The following MTIF2 variants were observed in gnomAD, a reference collection of about 807,000 sequenced individuals.
The protein encoded by MTIF2 is mitochondrial translational initiation factor 2.
In MTIF2, 71 loss-of-function variants were observed where a neutral mutation model predicts 83.5. The observed-to-expected ratio is 0.85, with a 90% CI of 0.70 to 1.04. MTIF2 has a LOEUF of 1.04. Among genes scored for constraint, MTIF2 ranks in the 50% least tolerant of loss-of-function variants. The pLI is 0.00. For synonymous variants in MTIF2, 319 were observed against 287.1 expected, an observed-to-expected ratio of 1.11 and a Z score of -1.12; for missense variants, 957 against 846.5, an observed-to-expected ratio of 1.13 and a Z score of -1.62.
chr2:55,239,280 AG>A (rs146761343), intron 14 of MTIF2, among the ~76,000 whole-genome samples: 10,945 of 152,240 alleles, frequency 0.072, 1,245 homozygotes, highest in African/African-American at 0.24. Flanking sequence ...CCTTTTGCTT[AG>A]CAGATGTACA....
intron 3 of MTIF2, among the ~76,000 whole-genome samples, chr2:55,264,318 A>C (rs1678265323): frequency 6.6e-6 from 1 of 152,070 alleles, no homozygotes; most frequent in African/African-American, 2.4e-5. Context: ...TGCAGCCTCG[A>C]CCTCCCAGGC....
intron 7 of MTIF2, among the ~76,000 whole-genome samples, chr2:55,253,837 A>G (rs1677302650): frequency 6.7e-6 from 1 of 149,770 alleles, no homozygotes; most frequent in Non-Finnish European, 1.5e-5. Flanking sequence ...AAAAAAAAAA[A>G]AGTTAACAGT....
chr2:55,238,198 TTTTTTA>T (rs1165931635), intron 14 of MTIF2, among the ~76,000 whole-genome samples: 2 of 151,638 alleles, frequency 1.3e-5, no homozygotes, highest in Non-Finnish European at 2.9e-5. Flanking sequence ...GCCCACTAAT[TTTTTTA>T]TTTTTATCTT....
At position 55,263,006 on chromosome 2, in the gene MTIF2, C is replaced by T. The variant is rs751838061; in HGVS notation, c.220-579G>A. On this transcript the variant is annotated intron_variant, in intron 4 of 15. Coordinates refer to ENST00000263629, the MANE Select transcript of MTIF2 (RefSeq NM_002453.3). The stretch of plus-strand genomic sequence containing the variant: ...CCTCCCAAAGAGCCGTGATTACAGG[C>T]GTGAGCCACCACACCTGGCCTAATT... 4.7e-4 allele frequency among the ~76,000 whole-genome samples: 72 copies of T among 152,330 alleles called. 1 individual carries two copies. The highest frequency in any genetic ancestry group is 4.7e-4 in the Non-Finnish European group (32 of 68,032).
chr2:55,262,416 T>C lies in MTIF2; in HGVS notation c.231A>G (p.Pro77=), dbSNP rs1397396501. Residue 77 remains proline (P), a synonymous_variant, in exon 5 of 16, where the codon CCA becomes CCG. Transcript: ENST00000263629. ...RLLVTKKEEG[P]WKSQLSSTKS... is the part of the protein sequence containing the mutation. Reference sequence around the variant, plus strand: ...TTGTTGAAGATAACTGAGATTTCCATGGTCCTTCTTCCTATTAAAAAAATC... The same window carrying C: ...TTGTTGAAGATAACTGAGATTTCCACGGTCCTTCTTCCTATTAAAAAAATC... 1.2e-6 allele frequency: 2 copies of C among 1,609,732 alleles called. No individual in the cohort carries two copies. The highest frequency in any genetic ancestry group is 2.7e-5 in the African/African-American group (2 of 74,794).
Position 55,263,706 on chromosome 2 carries a change from C to A in MTIF2, c.153G>T (p.Trp51Cys), listed in dbSNP as rs1678217047. 1 of 1,614,112 alleles carries A rather than the reference C, an allele frequency of 6.2e-7. No homozygotes were observed. Among genetic ancestry groups the A allele is most frequent in the East Asian group, 2.2e-5 (1 of 44,870 alleles). ...YPVWTAQLCA[W>C]PWPTDVLTGA... is the part of the protein sequence containing the mutation. The stretch of plus-strand genomic sequence containing the variant: ...CAGTGAGCACATCTGTTGGCCAGGG[C>A]CAGGCACACAGTTGAGCTGTCCACA... Residue 51 changes from tryptophan (W) to cysteine (C), a missense_variant, in exon 4 of 16, where the codon TGG (tryptophan) becomes TGT (cysteine). Trp to Cys is a radical substitution (Grantham distance 215). Transcript: ENST00000263629.
intron 5 of MTIF2, among the ~76,000 whole-genome samples, chr2:55,255,261 T>C (rs909377953): frequency 3.3e-5 from 5 of 151,160 alleles, no homozygotes; most frequent in Non-Finnish European, 5.9e-5. Context: ...TTAGCAAATA[T>C]TGAACCACTG....
In MTIF2 at chr2:55,254,779, T is replaced by A; in HGVS notation, c.378A>T (p.Ser126=). The A allele has an allele frequency of 6.2e-7, 1 of 1,609,788 alleles. No individual in the cohort carries two copies. The highest frequency in any genetic ancestry group is 8.5e-7 in the Non-Finnish European group (1 of 1,178,282). ...CATCTAAATGTGAGTCTGCTTCCAG[T>A]GAATCTATGTCAATATCAGTGTTCA... ...ALLNTDIDID[S]LEADSHLDEV... is the part of the protein sequence containing the mutation. The change falls in exon 6 of 16, where the codon TCA becomes TCT. Residue 126 remains serine, a synonymous_variant. Coordinates refer to ENST00000263629, the MANE Select transcript of MTIF2 (RefSeq NM_002453.3).
At chr2:55,259,387 G>T (rs1677785360) in intron 5 of MTIF2, among the ~76,000 whole-genome samples, 1 of 151,784 alleles carries the variant, frequency 6.6e-6, no homozygotes, top group Non-Finnish European at 1.5e-5. Context: ...ATCAGTTTGG[G>T]GTTTAGAGTA....
rs769641384 is a variant in MTIF2, at chr2:55,262,417, G to A, written c.230C>T (p.Pro77Leu). The change falls in exon 5 of 16, where the codon CCA becomes CTA. Residue 77 changes from proline to leucine, a missense_variant. Pro to Leu is a moderately conservative substitution (Grantham distance 98). This residue lies in a region of MTIF2 where 733 missense variants were observed against 648.7 expected (regional missense o/e 1.13). Transcript: ENST00000263629. ...TGTTGAAGATAACTGAGATTTCCAT[G>A]GTCCTTCTTCCTATTAAAAAAATCA... is the stretch of plus-strand genomic sequence containing the variant. ...RLLVTKKEEG[P>L]WKSQLSSTKS... The A allele has an allele frequency of 2.5e-6, 4 of 1,607,860 alleles. No homozygotes were observed. The South Asian group carries it at 3.3e-5, about 13-fold the overall frequency.
intron 5 of MTIF2, among the ~76,000 whole-genome samples, chr2:55,258,065 T>C (rs1677679939): frequency 6.6e-6 from 1 of 152,228 alleles, no homozygotes; most frequent in Middle Eastern, 3.2e-3. Flanking sequence ...GTGCTGGGAT[T>C]ACAGACATGA....
chr2:55,249,396 G>A lies in MTIF2; in HGVS notation c.980C>T (p.Thr327Met), dbSNP rs200247481. The change falls in exon 9 of 16, where the codon ACG (threonine) becomes ATG (methionine). Residue 327 changes from threonine (T) to methionine (M), a missense_variant and splice_region_variant. By Grantham distance (81) the Thr-to-Met change is moderately conservative. Coordinates refer to ENST00000263629, the MANE Select transcript of MTIF2 (RefSeq NM_002453.3). Reference protein sequence around the residue: ...DVQAVPVSALTGDNLMALAEA... With the variant: ...DVQAVPVSALMGDNLMALAEA... ...TTTATATGAGGTCCCCGCATTTACC[G>A]TAAGTGCGGAGACAGGCACTGCTTG... is the stretch of plus-strand genomic sequence containing the variant. The A allele has an allele frequency of 8.7e-6, 14 of 1,613,752 alleles. No homozygotes were observed. The highest frequency in any genetic ancestry group is 4.5e-5 in the East Asian group (2 of 44,892).
chr2:55,253,720 CAGG>C (rs757732141), intron 7 of MTIF2, among the ~76,000 whole-genome samples: 75 of 140,214 alleles, frequency 5.3e-4, no homozygotes, highest in Non-Finnish European at 1.0e-3. Flanking sequence ...GAGGCTGAGG[CAGG>C]AGAACTGCTT....
intron 5 of MTIF2, among the ~76,000 whole-genome samples, chr2:55,259,682 C>T (rs1230175656): frequency 2.0e-5 from 3 of 152,210 alleles, no homozygotes; most frequent in Non-Finnish European, 2.9e-5. Flanking sequence ...CAGTGGCTCA[C>T]GCCTATAATC....
chr2:55,249,574 C>T lies in MTIF2; in HGVS notation c.842-40G>A, dbSNP rs745460789. 1.0e-5 allele frequency: 16 copies of T among 1,597,272 alleles called. No individual in the cohort carries two copies. The Admixed American group carries it at 1.7e-4, about 17-fold the overall frequency. ...GTTAAAAAGAGTGAAAATGATGACA[C>T]CTTCAATTCCAGGTATTCACAGTGA... is the stretch of plus-strand genomic sequence containing the variant. On this transcript the variant is annotated intron_variant, in intron 8 of 15. Coordinates refer to ENST00000263629, the MANE Select transcript of MTIF2 (RefSeq NM_002453.3).
chr2:55,261,314 G>C (rs1430774687), intron 5 of MTIF2, among the ~76,000 whole-genome samples: 4 of 152,114 alleles, frequency 2.6e-5, no homozygotes, highest in Non-Finnish European at 5.9e-5. Context: ...TTGTCAAAAT[G>C]AGAGAAAAGG....
At chr2:55,242,243 T>A (rs1676377259) in intron 13 of MTIF2, among the ~76,000 whole-genome samples, 1 of 152,240 alleles carries the variant, frequency 6.6e-6, no homozygotes, top group South Asian at 2.1e-4. Flanking sequence ...CCAAATACTT[T>A]TAATTAATCA....
At chr2:55,252,699 T>C in intron 7 of MTIF2, 46 bp from the exon 8 acceptor site, 1 of 1,425,128 alleles carries the variant, frequency 7.0e-7, no homozygotes, top group South Asian at 1.2e-5. Flanking sequence ...AAACATGTAC[T>C]TCCTTAATAC....
At chr2:55,236,868 C>T (rs374958225) in intron 15 of MTIF2, 48 bp from the exon 16 acceptor site, 1 of 1,372,752 alleles carries the variant, frequency 7.3e-7, no homozygotes, top group Non-Finnish European at 9.8e-7. Flanking sequence ...ATGATAAGTA[C>T]CTACTAAATA....
Sources: allele counts gnomAD v4.1 joint callset (sites outside exome capture counted in the v4.1 genomes callset), GRCh38; gene constraint gnomAD v4.1.1; regional missense constraint gnomAD v4.1.1; transcripts MANE v1.5; gene names NCBI Gene and HGNC (gene_info 2026-07-23, HGNC 2026-07-21).